TRIM38: variants seen among roughly 807,000 people sequenced by gnomAD.
The protein encoded by TRIM38 is E3 ubiquitin-protein ligase TRIM38.
In TRIM38, 35 loss-of-function variants were observed where a neutral mutation model predicts 35.8. The ratio of observed to expected loss-of-function variants is 0.98; its 90% CI spans 0.75 to 1.30. TRIM38 has a LOEUF of 1.30. Among genes scored for constraint, TRIM38 ranks in the 50% most tolerant of loss-of-function variants. The pLI, the probability that TRIM38 is intolerant of heterozygous loss-of-function variation, is 0.00. For synonymous variants in TRIM38, 198 were observed against 204.7 expected, an observed-to-expected ratio of 0.97 and a Z score of 0.28; for missense variants, 545 against 556.9, an observed-to-expected ratio of 0.98 and a Z score of 0.21.
chr6:25,983,134 T>C (rs759490613), intron 7 of TRIM38, 30 bp from the exon 8 acceptor site: 1 of 1,532,498 alleles, frequency 6.5e-7, no homozygotes, highest in Non-Finnish European at 8.8e-7. Flanking sequence ...GCAACAAAAT[T>C]ATTTTTGTTT....
rs1265447533 is a variant in TRIM38, at chr6:25,987,940, G to A, written c.*4253G>A. The A allele has an allele frequency of 6.6e-6, 1 of 152,148 alleles. No individual in the cohort carries two copies. Among genetic ancestry groups the A allele is most frequent in the East Asian group, 1.9e-4 (1 of 5,188 alleles). 9.4% of individuals were successfully genotyped at this position (152,148 alleles called of 1,614,324 possible). ...TCATACAGTTGTGAAGCAGGAAGCA[G>A]GAGTGAACTCCGGAGGCAGGGACTT... On this transcript the variant is annotated 3_prime_UTR_variant, in exon 8 of 8. Transcript: ENST00000357085.
At chr6:25,976,036 G>A (rs199758) in intron 7 of TRIM38, among the ~76,000 whole-genome samples, 2,036 of 152,204 alleles carry the variant, frequency 0.013, 47 homozygotes, top group African/African-American at 0.046. Flanking sequence ...CACATATACT[G>A]AGCACTCTTT....
chr6:25,967,487 G>T (rs73387404), intron 3 of TRIM38, among the ~76,000 whole-genome samples: 3,248 of 150,052 alleles, frequency 0.022, 113 homozygotes, highest in African/African-American at 0.071. Flanking sequence ...GGGAATGAAG[G>T]GTCAGTGACA....
At chr6:25,973,433 T>G (rs1406425433) in intron 7 of TRIM38, 148 bp downstream of exon 7, 1 of 1,444,070 alleles carries the variant, frequency 6.9e-7, no homozygotes, top group Non-Finnish European at 9.1e-7. Context: ...CTAGTTAGTA[T>G]GATTCACTGC....
At chr6:25,977,626 C>G (rs769170803) in intron 7 of TRIM38, among the ~76,000 whole-genome samples, 3 of 148,790 alleles carry the variant, frequency 2.0e-5, no homozygotes, top group African/African-American at 7.5e-5. Flanking sequence ...GAGATTGTGC[C>G]ACTGCACTCC....
chr6:25,966,544 A>G lies in TRIM38; in HGVS notation c.22A>G (p.Lys8Glu). MASTTST[K>E]KMMEEATCSI... ...AGCTATGGCCTCAACCACCAGCACC[A>G]AGAAGATGATGGAGGAAGCCACCTG... Residue 8 changes from lysine (K) to glutamate (E), a missense_variant, in exon 3 of 8, where the codon AAG becomes GAG. Coordinates refer to ENST00000357085, the MANE Select transcript of TRIM38 (RefSeq NM_006355.5). 1 of 1,611,824 alleles carries G rather than the reference A, an allele frequency of 6.2e-7. No homozygotes were observed. The highest frequency in any genetic ancestry group is 8.5e-7 in the Non-Finnish European group (1 of 1,178,558).
intron 4 of TRIM38, among the ~76,000 whole-genome samples, chr6:25,970,106 CG>C (rs1462412979): frequency 6.6e-6 from 1 of 151,790 alleles, no homozygotes; most frequent in African/African-American, 2.4e-5. Flanking sequence ...TTAGTAGAGA[CG>C]GGGTTTCACC....
intron 7 of TRIM38, among the ~76,000 whole-genome samples, chr6:25,978,706 A>G (rs894501689): frequency 1.3e-5 from 2 of 151,752 alleles, no homozygotes; most frequent in Non-Finnish European, 2.9e-5. Flanking sequence ...TCCCTTTGCC[A>G]CCCAGGCTGG....
intron 2 of TRIM38, among the ~76,000 whole-genome samples, chr6:25,966,014 C>T (rs1156636406): frequency 6.6e-6 from 1 of 151,530 alleles, no homozygotes; most frequent in African/African-American, 2.4e-5. Flanking sequence ...CAAAATTTAT[C>T]AGGACAAGTG....
In TRIM38 at chr6:25,966,341, T is replaced by C; in HGVS notation, c.-182T>C. 3.2e-6 allele frequency: 2 copies of C among 622,642 alleles called. No homozygotes were observed. 38.6% of individuals were successfully genotyped at this position (622,642 alleles called of 1,614,324 possible). On this transcript the variant is annotated 5_prime_UTR_variant, in exon 3 of 8. Coordinates refer to ENST00000357085, the MANE Select transcript of TRIM38 (RefSeq NM_006355.5). ...CTCAACTTCTTCCTTTTAGGTCCTC[T>C]TTTCTTCAATACAAAATGAGATAAT...
In TRIM38 at chr6:25,983,293, G is replaced by C. The variant is rs1250907059; in HGVS notation, c.1004G>C (p.Cys335Ser). 1 of 1,614,028 alleles carries C rather than the reference G, an allele frequency of 6.2e-7. No individual in the cohort carries two copies. The highest frequency in any genetic ancestry group is 1.7e-5 in the Admixed American group (1 of 59,996). The change falls in exon 8 of 8, where the codon TGT becomes TCT. Residue 335 changes from cysteine (C) to serine (S), a missense_variant. Transcript: ENST00000357085. ...TSSRRFTAFP[C>S]VLGCEGFTSG... Reference sequence around the variant, plus strand: ...TCCAGGAGATTTACTGCCTTCCCCTGTGTCTTGGGTTGTGAAGGCTTCACC... The same window carrying C: ...TCCAGGAGATTTACTGCCTTCCCCTCTGTCTTGGGTTGTGAAGGCTTCACC...
chr6:25,971,401 T>C (rs1280466530), intron 4 of TRIM38, among the ~76,000 whole-genome samples: 1 of 152,170 alleles, frequency 6.6e-6, no homozygotes, highest in African/African-American at 2.4e-5. Context: ...GAAAATAATG[T>C]CCCAGTGGCT....
At chr6:25,975,477 C>A (rs2113604401) in intron 7 of TRIM38, 1 of 452,964 alleles carries the variant, frequency 2.2e-6, no homozygotes, top group Non-Finnish European at 2.9e-6. Flanking sequence ...GCTAGGATTA[C>A]AAGTGTTAGT....
At position 25,986,014 on chromosome 6, in the gene TRIM38, A is replaced by G. The variant is rs1760696862; in HGVS notation, c.*2327A>G. The G allele has an allele frequency of 6.6e-6, 1 of 152,228 alleles. No individual in the cohort carries two copies. Among genetic ancestry groups the G allele is most frequent in the South Asian group, 2.1e-4 (1 of 4,836 alleles). The allele number at this position is 152,228 out of a possible 1,614,324, so 9.4% of individuals were successfully genotyped here. The stretch of plus-strand genomic sequence containing the variant: ...TAATTGGGGTGCAGGAAAGTTATGG[A>G]AAGAATATAAGTCCTGCTAGATAAA... On this transcript the variant is annotated 3_prime_UTR_variant, in exon 8 of 8. Coordinates refer to ENST00000357085, the MANE Select transcript of TRIM38 (RefSeq NM_006355.5).
At chr6:25,978,914 C>G (rs912363087) in intron 7 of TRIM38, among the ~76,000 whole-genome samples, 37 of 152,196 alleles carry the variant, frequency 2.4e-4, no homozygotes, top group South Asian at 1.2e-3. Flanking sequence ...GTGATTGACC[C>G]GCCTCAGCCT....
rs1365245446 is a variant in TRIM38 at position 25,989,760 on chromosome 6, A to G, written c.*6073A>G. 6.6e-6 allele frequency: 1 copy of G among 151,954 alleles called. No individual in the cohort carries two copies. The highest frequency in any genetic ancestry group is 2.4e-5 in the African/African-American group (1 of 41,422). The allele number at this position is 151,954 out of a possible 1,614,324, so 9.4% of individuals were successfully genotyped here. A position where few individuals can be genotyped will look rare whatever the true frequency, so the allele number is the denominator to read the frequency against. On this transcript the variant is annotated 3_prime_UTR_variant, in exon 8 of 8. Coordinates refer to ENST00000357085, the MANE Select transcript of TRIM38 (RefSeq NM_006355.5). ...CTAACAAAATCTTCATAACTGAAAT[A>G]ATTTCTCTTTATCACCTCTTCTTAT...
rs1561906527 is a variant in TRIM38, at chr6:25,988,487, C to CTTTTTTTT, written c.*4804_*4805insTTTTTTTT. On this transcript the variant is annotated 3_prime_UTR_variant, in exon 8 of 8. Coordinates refer to ENST00000357085, the MANE Select transcript of TRIM38 (RefSeq NM_006355.5). ...TCTTTTCTTTTTCTTTTTCTTTTTT[C>CTTTTTTTT]TTTTCTTTCTTTTTTTTTTTTTTTT... The CTTTTTTTT allele has an allele frequency of 2.6e-5, 1 of 38,934 alleles. No homozygotes were observed. Among genetic ancestry groups the CTTTTTTTT allele is most frequent in the African/African-American group, 1.3e-4 (1 of 7,712 alleles). 2.4% of individuals were successfully genotyped at this position (38,934 alleles called of 1,614,324 possible).
Position 25,966,670 on chromosome 6 carries a change from A to C in TRIM38, c.148A>C (p.Lys50Gln). 1.9e-6 allele frequency: 3 copies of C among 1,614,102 alleles called. No individual in the cohort carries two copies. Among genetic ancestry groups the C allele is most frequent in the Non-Finnish European group, 2.5e-6 (3 of 1,180,018 alleles). The change falls in exon 3 of 8, where the codon AAG becomes CAG. Residue 50 changes from lysine to glutamine, a missense_variant. Transcript: ENST00000357085. ...ITDFFKNPSQ[K>Q]QLRQETFCCP... The stretch of plus-strand genomic sequence containing the variant: ...AGACTTCTTTAAAAACCCAAGCCAA[A>C]AGCAACTGAGGCAGGAGACATTCTG...
Position 25,988,040 on chromosome 6 carries a change from G to C in TRIM38, c.*4353G>C, listed in dbSNP as rs955851292. On this transcript the variant is annotated 3_prime_UTR_variant, in exon 8 of 8. Transcript: ENST00000357085. ...ACCTCTCCATAAGACACGCCCACCA[G>C]CGCCATGTCAGTTTTTCGTTGCCAT... 7.2e-5 allele frequency: 11 copies of C among 152,150 alleles called. No individual in the cohort carries two copies. The highest frequency in any genetic ancestry group is 2.7e-4 in the African/African-American group (11 of 41,426). The allele number at this position is 152,150 out of a possible 1,614,324, so 9.4% of individuals were successfully genotyped here. A position where few individuals can be genotyped will look rare whatever the true frequency, so the allele number is the denominator to read the frequency against.
Sources: gnomAD v4.1 joint callset for allele counts (sites outside exome capture counted in the v4.1 genomes callset) on GRCh38, gnomAD v4.1.1 for gene constraint, MANE v1.5 for transcripts, NCBI Gene and HGNC (gene_info 2026-07-23, HGNC 2026-07-21) for gene names.